ACER3: variants seen among roughly 807,000 people sequenced by gnomAD.
The protein encoded by ACER3 is alkaline ceramidase 3.
Under a neutral mutation model 48.9 loss-of-function variants are expected in ACER3, and 16 were observed. The observed-to-expected ratio is 0.33, with a 90% CI of 0.22 to 0.50. The LOEUF (loss-of-function observed/expected upper bound fraction) is 0.50. Ranked by LOEUF, ACER3 falls within the 20% of genes least tolerant of loss-of-function variation. The pLI, the probability that ACER3 is intolerant of heterozygous loss-of-function variation, is 0.98. For missense variants in ACER3, 227 were observed against 326.0 expected, an observed-to-expected ratio of 0.70 and a Z score of 2.34; for synonymous variants, 109 against 107.8, an observed-to-expected ratio of 1.01 and a Z score of -0.07.
In ACER3 at chr11:77,020,414, A is replaced by G; in HGVS notation, c.*87A>G. 1 of 1,450,900 alleles carries G rather than the reference A, an allele frequency of 6.9e-7. No individual in the cohort carries two copies. The highest frequency in any genetic ancestry group is 2.3e-5 in the East Asian group (1 of 43,150). The allele number at this position is 1,450,900 out of a possible 1,614,324, so 89.9% of individuals were successfully genotyped here. A position where few individuals can be genotyped will look rare whatever the true frequency, so the allele number is the denominator to read the frequency against. ...AAATCCTTAAAGATCTACAAGTTCA[A>G]ATATGTCATGACCATCACAGCAGAG... On this transcript the variant is annotated 3_prime_UTR_variant, in exon 11 of 11. Transcript: ENST00000532485.
chr11:76,985,915 A>G (rs1240458239), intron 5 of ACER3, among the ~76,000 whole-genome samples, 191 bp downstream of exon 5: 1 of 152,254 alleles, frequency 6.6e-6, no homozygotes, highest in East Asian at 1.9e-4. Context: ...TAATTGAAAT[A>G]CTTTTAAAAA....
chr11:76,993,074 C>T (rs142811776), intron 6 of ACER3, among the ~76,000 whole-genome samples: 3 of 152,214 alleles, frequency 2.0e-5, no homozygotes, highest in East Asian at 1.9e-4. Flanking sequence ...CCGTGTTGCC[C>T]GGCAGGTCTC....
chr11:76,890,434 T>C (rs1945776842), intron 1 of ACER3, among the ~76,000 whole-genome samples: 1 of 152,222 alleles, frequency 6.6e-6, no homozygotes, highest in South Asian at 2.1e-4. Context: ...TTCTGCCCAA[T>C]GAAATCTTCA....
At chr11:76,965,754 A>G (rs12364687) in intron 3 of ACER3, among the ~76,000 whole-genome samples, 8,827 of 151,144 alleles carry the variant, frequency 0.058, 354 homozygotes, top group Middle Eastern at 0.12. Flanking sequence ...AGACAAGCAA[A>G]TGCTGAGAGA....
At chr11:76,914,723 G>C (rs1265068278) in intron 1 of ACER3, among the ~76,000 whole-genome samples, 2 of 152,288 alleles carry the variant, frequency 1.3e-5, no homozygotes, top group East Asian at 1.9e-4. Flanking sequence ...TATAAATCAT[G>C]CTGCTATAAA....
At chr11:76,948,884 T>C (rs1310130183) in intron 2 of ACER3, among the ~76,000 whole-genome samples, 2 of 152,180 alleles carry the variant, frequency 1.3e-5, no homozygotes, top group Non-Finnish European at 2.9e-5. Flanking sequence ...GCCAGACACA[T>C]GGTAGATAAT....
At chr11:77,018,101 GGCTAATTTTT>G (rs1244903548) in intron 9 of ACER3, among the ~76,000 whole-genome samples, 1 of 151,768 alleles carries the variant, frequency 6.6e-6, no homozygotes, top group East Asian at 1.9e-4. Flanking sequence ...CACCCTGCCT[GGCTAATTTTT>G]GTGCTTTTAG....
chr11:76,922,977 A>G (rs1946725682), intron 1 of ACER3, among the ~76,000 whole-genome samples: 1 of 151,804 alleles, frequency 6.6e-6, no homozygotes, highest in African/African-American at 2.4e-5. Flanking sequence ...CAACGATCTT[A>G]CTCCCTCTCC....
At chr11:76,999,988 T>C (rs982913926) in intron 7 of ACER3, among the ~76,000 whole-genome samples, 8 of 152,224 alleles carry the variant, frequency 5.3e-5, no homozygotes, top group African/African-American at 1.9e-4. Context: ...GTGAAATTGC[T>C]AGGTTTTGTA....
chr11:76,964,274 CTGCCAT>C, intron 3 of ACER3, among the ~76,000 whole-genome samples: 1 of 151,416 alleles, frequency 6.6e-6, no homozygotes, highest in African/African-American at 2.5e-5. Flanking sequence ...GGAGGGGCGC[CTGCCAT>C]TGCCGAGGCT....
chr11:77,005,131 G>A (rs782557259), intron 7 of ACER3, among the ~76,000 whole-genome samples: 3 of 149,606 alleles, frequency 2.0e-5, no homozygotes, highest in African/African-American at 4.9e-5. Flanking sequence ...TCCGCCTCCC[G>A]GGTTCACGCC....
chr11:76,995,586 A>G (rs1948894032), intron 6 of ACER3, among the ~76,000 whole-genome samples: 1 of 152,182 alleles, frequency 6.6e-6, no homozygotes, highest in Non-Finnish European at 1.5e-5. Flanking sequence ...TAAGGAGCAG[A>G]AAAGTATACA....
At chr11:76,926,519 G>C in intron 1 of ACER3, 38 bp from the exon 2 acceptor site, 1 of 1,273,854 alleles carries the variant, frequency 7.9e-7, no homozygotes, top group Non-Finnish European at 1.1e-6. Context: ...AAGTGTTATT[G>C]ATTAACCTAA....
chr11:76,924,973 CAAAAAA>C (rs57093609), intron 1 of ACER3, among the ~76,000 whole-genome samples: 2,473 of 78,598 alleles, frequency 0.031, 74 homozygotes, highest in African/African-American at 0.083. Context: ...AAGACTCTGT[CAAAAAA>C]AAAAAAAAAA....
chr11:76,988,556 C>A (rs1315853207), intron 5 of ACER3, among the ~76,000 whole-genome samples: 3 of 152,114 alleles, frequency 2.0e-5, no homozygotes, highest in Non-Finnish European at 2.9e-5. Flanking sequence ...TGAGAACTCA[C>A]TCACTATGAT....
chr11:76,954,592 T>G (rs61900104), intron 2 of ACER3, among the ~76,000 whole-genome samples: 4 of 30,896 alleles, frequency 1.3e-4, no homozygotes, highest in East Asian at 1.3e-3. Context: ...GTTTGGTTGG[T>G]TTTTTTTTTT....
chr11:76,862,462 A>T (rs1276603225), intron 1 of ACER3, among the ~76,000 whole-genome samples: 1 of 152,220 alleles, frequency 6.6e-6, no homozygotes, highest in Non-Finnish European at 1.5e-5. Flanking sequence ...GGGAACCCAC[A>T]TGTTGGCAAA....
intron 1 of ACER3, among the ~76,000 whole-genome samples, chr11:76,892,988 C>G (rs1344654748): frequency 6.6e-6 from 1 of 151,998 alleles, no homozygotes; most frequent in Non-Finnish European, 1.5e-5. Context: ...AATTAATATA[C>G]AAAAATTAGC....
chr11:76,984,942 A>G (rs1948657979), intron 4 of ACER3, among the ~76,000 whole-genome samples: 1 of 152,204 alleles, frequency 6.6e-6, no homozygotes. Context: ...CCACCTTACT[A>G]GAACTGGAAG....
Sources: gnomAD v4.1 joint callset for allele counts (sites outside exome capture counted in the v4.1 genomes callset) on GRCh38, gnomAD v4.1.1 for gene constraint, MANE v1.5 for transcripts, NCBI Gene and HGNC (gene_info 2026-07-23, HGNC 2026-07-21) for gene names.